NAA16: variants seen among roughly 807,000 people sequenced by gnomAD.
NAA16 encodes NARG1-like protein.
Under a neutral mutation model 110.3 loss-of-function variants are expected in NAA16, and 97 were observed. The ratio of observed to expected loss-of-function variants is 0.88; its 90% CI spans 0.75 to 1.04. The LOEUF is 1.04. Ranked by LOEUF, NAA16 falls within the 50% of genes least tolerant of loss-of-function variation. NAA16 has a pLI of 0.00. For synonymous variants in NAA16, 372 were observed against 330.6 expected (o/e 1.13, Z -1.36); for missense variants, 1,017 against 1,005.1 (o/e 1.01, Z -0.16).
At chr13:41,332,215 G>C (rs1177956097) in intron 8 of NAA16, among the ~76,000 whole-genome samples, 1 of 151,808 alleles carries the variant, frequency 6.6e-6, no homozygotes, top group Admixed American at 6.6e-5. Context: ...AGAAATAGTT[G>C]TGAGCTGTTT....
chr13:41,335,872 T>C (rs9315831), intron 8 of NAA16, among the ~76,000 whole-genome samples: 14,338 of 131,328 alleles, frequency 0.11, 768 homozygotes, highest in East Asian at 0.22. Context: ...TTTTTTTTTT[T>C]CCCCCAAATG....
chr13:41,350,499 T>C (rs1257576320), intron 9 of NAA16, among the ~76,000 whole-genome samples: 1 of 151,682 alleles, frequency 6.6e-6, no homozygotes, highest in African/African-American at 2.4e-5. Flanking sequence ...GGTTTCACCG[T>C]GTTAGCCAGG....
At chr13:41,368,789 T>C (rs944387120) in intron 14 of NAA16, among the ~76,000 whole-genome samples, 1 of 152,218 alleles carries the variant, frequency 6.6e-6, no homozygotes, top group African/African-American at 2.4e-5. Context: ...GGCATACCTA[T>C]AGACCATAAT....
At chr13:41,315,737 G>T (rs1406730029) in intron 1 of NAA16, among the ~76,000 whole-genome samples, 1 of 152,102 alleles carries the variant, frequency 6.6e-6, no homozygotes, top group East Asian at 1.9e-4. Flanking sequence ...TTTTAGTGCA[G>T]TTTCTGGTAT....
At chr13:41,333,667 C>T (rs925264418) in intron 8 of NAA16, among the ~76,000 whole-genome samples, 7 of 152,088 alleles carry the variant, frequency 4.6e-5, no homozygotes, top group East Asian at 1.9e-4. Context: ...AAAGAAACCT[C>T]GCTTAGCTTT....
chr13:41,367,291 C>A, intron 13 of NAA16, 148 bp from the exon 14 acceptor site: 1 of 546,198 alleles, frequency 1.8e-6, no homozygotes, highest in Non-Finnish European at 3.2e-6. Flanking sequence ...AATTCATATC[C>A]TTTATAGTGT....
intron 9 of NAA16, among the ~76,000 whole-genome samples, chr13:41,348,245 G>A (rs1473926942): frequency 6.6e-6 from 1 of 151,942 alleles, no homozygotes; most frequent in Non-Finnish European, 1.5e-5. Context: ...TCGGCTCACT[G>A]CAACCTCCAC....
chr13:41,328,834 C>A lies in NAA16; in HGVS notation c.802C>A (p.Leu268Ile). Reference protein sequence around the residue: ...WCYYEGLEKALQISTLEERLQ... With the variant: ...WCYYEGLEKAIQISTLEERLQ... ...TTATTATGAAGGCTTGGAAAAAGCT[C>A]TACAAATTAGTATGTAATGATTTTT... is the stretch of plus-strand genomic sequence containing the variant. Residue 268 changes from leucine to isoleucine, a missense_variant, in exon 7 of 20, where the codon CTA (leucine) becomes ATA (isoleucine). By Grantham distance (5) the Leu-to-Ile change is conservative. Coordinates refer to ENST00000379406, the MANE Select transcript of NAA16 (RefSeq NM_024561.5). The A allele has an allele frequency of 6.3e-7, 1 of 1,599,814 alleles. No homozygotes were observed. Among genetic ancestry groups the A allele is most frequent in the South Asian group, 1.1e-5 (1 of 89,948 alleles).
Position 41,355,190 on chromosome 13 carries a change from A to C in NAA16, c.1061A>C (p.Lys354Thr), listed in dbSNP as rs749157572. Residue 354 changes from lysine (K) to threonine (T), a missense_variant, in exon 10 of 20, where the codon AAA (lysine) becomes ACA (threonine). Physicochemically the swap from Lys to Thr is moderately conservative, Grantham distance 78. Transcript: ENST00000379406. ...ELVTNYEASL[K>T]TCDFFSPYEN... is the part of the protein sequence containing the mutation. ...GTTACTAATTATGAAGCCTCTCTTA[A>C]AACGTGTGACTTTTTTAGCCCATAT... is the stretch of plus-strand genomic sequence containing the variant. 12 of 1,589,228 alleles carry C rather than the reference A, an allele frequency of 7.6e-6. No individual in the cohort carries two copies. Among genetic ancestry groups the C allele is most frequent in the Non-Finnish European group, 8.6e-6 (10 of 1,167,384 alleles).
intron 12 of NAA16, among the ~76,000 whole-genome samples, chr13:41,361,818 A>G (rs145314935): frequency 1.5e-4 from 23 of 152,370 alleles, no homozygotes; most frequent in African/African-American, 5.3e-4. Context: ...TCTTTAGACC[A>G]TGGTCGACTG....
chr13:41,367,393 T>C, intron 13 of NAA16, 46 bp from the exon 14 acceptor site: 1 of 1,365,798 alleles, frequency 7.3e-7, no homozygotes, highest in Non-Finnish European at 1.0e-6. Flanking sequence ...AGGTAGACAT[T>C]ATTGACATAA....
chr13:41,326,661 G>A (rs529435530), intron 6 of NAA16, among the ~76,000 whole-genome samples: 2 of 152,134 alleles, frequency 1.3e-5, no homozygotes, highest in Admixed American at 6.6e-5. Context: ...AAGTGGTAGA[G>A]TTATAGTTTC....
intron 12 of NAA16, among the ~76,000 whole-genome samples, chr13:41,360,405 C>A (rs2043088397): frequency 6.6e-6 from 1 of 152,170 alleles, no homozygotes; most frequent in African/African-American, 2.4e-5. Context: ...ATAAGCGATA[C>A]TAAATCTATG....
rs566098680 is a variant in NAA16 at position 41,355,191 on chromosome 13, A to G, written c.1062A>G (p.Lys354=). 7.6e-6 allele frequency: 12 copies of G among 1,589,040 alleles called. No individual in the cohort carries two copies. The African/African-American group carries it at 1.6e-4, about 22-fold the overall frequency. Residue 354 remains lysine, a synonymous_variant, in exon 10 of 20, where the codon AAA becomes AAG. Coordinates refer to ENST00000379406, the MANE Select transcript of NAA16 (RefSeq NM_024561.5). ...TTACTAATTATGAAGCCTCTCTTAA[A>G]ACGTGTGACTTTTTTAGCCCATATG... is the stretch of plus-strand genomic sequence containing the variant. ...ELVTNYEASL[K]TCDFFSPYEN...
chr13:41,319,437 A>G (rs570772616), intron 3 of NAA16, among the ~76,000 whole-genome samples: 2 of 152,320 alleles, frequency 1.3e-5, no homozygotes, highest in Admixed American at 1.3e-4. Flanking sequence ...TTCTGTTAAC[A>G]CAGAGACATA....
At chr13:41,364,529 A>G (rs1461796837) in intron 13 of NAA16, among the ~76,000 whole-genome samples, 3 of 152,166 alleles carry the variant, frequency 2.0e-5, no homozygotes, top group Admixed American at 1.3e-4. Flanking sequence ...ACTTGTGTTC[A>G]GAATAACATT....
chr13:41,345,523 T>G (rs2042658527), intron 9 of NAA16, among the ~76,000 whole-genome samples: 1 of 152,174 alleles, frequency 6.6e-6, no homozygotes, highest in Admixed American at 6.5e-5. Context: ...ATTGGGTTAT[T>G]TCTCTTTTTA....
intron 8 of NAA16, among the ~76,000 whole-genome samples, chr13:41,335,071 G>C (rs1388740008): frequency 6.6e-6 from 1 of 152,166 alleles, no homozygotes; most frequent in East Asian, 1.9e-4. Context: ...AATCAAATTT[G>C]TCAATATGAT....
At chr13:41,343,091 CATTT>C (rs766551418) in intron 9 of NAA16, among the ~76,000 whole-genome samples, 6 of 152,156 alleles carry the variant, frequency 3.9e-5, no homozygotes, top group Non-Finnish European at 8.8e-5. Flanking sequence ...AGCATTTACA[CATTT>C]ATTTATTTAT....
Sources: allele counts gnomAD v4.1 joint callset (sites outside exome capture counted in the v4.1 genomes callset), GRCh38; gene constraint gnomAD v4.1.1; transcripts MANE v1.5; gene names NCBI Gene and HGNC (gene_info 2026-07-23, HGNC 2026-07-21).